Variants in RFT1 observed in about 807,000 individuals in gnomAD.
The protein encoded by RFT1 is man(5)GlcNAc(2)-PP-dolichol translocation protein RFT1.
RFT1 carries 43 observed loss-of-function variants against 62.2 expected under a neutral mutation model. The observed-to-expected ratio is 0.69, with a 90% CI of 0.54 to 0.89. The LOEUF (loss-of-function observed/expected upper bound fraction) is 0.89. Among genes scored for constraint, RFT1 ranks in the 40% least tolerant of loss-of-function variants. RFT1 has a pLI of 0.00. For missense variants in RFT1, 605 were observed against 649.9 expected, an observed-to-expected ratio of 0.93 and a Z score of 0.75; for synonymous variants, 262 against 264.6, an observed-to-expected ratio of 0.99 and a Z score of 0.10.
the RFT1 span, among the ~76,000 whole-genome samples, chr3:53,071,074 GTAGAGGTGGGGTCTCAC>G: frequency 6.6e-6 from 1 of 151,892 alleles, no homozygotes; most frequent in African/African-American, 2.4e-5. Flanking sequence ...GGAATTTTTT[GTAGAGGTGGGGTCTCAC>G]TAAGTTGCCC....
chr3:53,092,276 G>A (rs1701013327), intron 12 of RFT1, 93 bp downstream of exon 12: 2 of 1,535,652 alleles, frequency 1.3e-6, no homozygotes, highest in South Asian at 1.2e-5. Context: ...GGAGGGGACA[G>A]GAGGAGGCAA....
chr3:53,116,709 C>T (rs1701816336), intron 6 of RFT1, among the ~76,000 whole-genome samples: 3 of 152,032 alleles, frequency 2.0e-5, no homozygotes, highest in Non-Finnish European at 1.5e-5. Flanking sequence ...TCAAGCAGTT[C>T]TCCTGCCTCA....
At chr3:53,102,071 T>C (rs1385007148) in intron 10 of RFT1, among the ~76,000 whole-genome samples, 2 of 150,002 alleles carry the variant, frequency 1.3e-5, no homozygotes, top group Non-Finnish European at 3.0e-5. Flanking sequence ...AAACTTGCAT[T>C]GAGGCAGACA....
the RFT1 span, chr3:53,077,822 T>C: frequency 6.6e-6 from 1 of 152,258 alleles, no homozygotes; most frequent in East Asian, 1.9e-4. Flanking sequence ...CATGGTTTTC[T>C]TGGCCTCTGC....
At chr3:53,067,511 CG>C in the RFT1 span, among the ~76,000 whole-genome samples, 1 of 152,016 alleles carries the variant, frequency 6.6e-6, no homozygotes, top group Non-Finnish European at 1.5e-5. Context: ...GGGACATTGG[CG>C]GGGAAGGGGC....
chr3:53,102,134 CAG>C (rs1003576641), intron 10 of RFT1, among the ~76,000 whole-genome samples: 1 of 151,928 alleles, frequency 6.6e-6, no homozygotes, highest in Admixed American at 6.6e-5. Flanking sequence ...GACGTGAAGA[CAG>C]AGAGAACACA....
chr3:53,100,413 C>A (rs538151302), intron 10 of RFT1, among the ~76,000 whole-genome samples: 1 of 152,244 alleles, frequency 6.6e-6, no homozygotes, highest in East Asian at 1.9e-4. Context: ...AACCTACGAC[C>A]CAGCAATTGC....
rs961442737 is a variant in RFT1, at chr3:53,111,810, C to G, written c.775+20G>C. 3.7e-6 allele frequency: 6 copies of G among 1,603,600 alleles called. No homozygotes were observed. Among genetic ancestry groups the G allele is most frequent in the Non-Finnish European group, 1.7e-6 (2 of 1,170,368 alleles). On this transcript the variant is annotated intron_variant, in intron 7 of 12. Coordinates refer to ENST00000296292, the MANE Select transcript of RFT1 (RefSeq NM_052859.4). ...CTTCTACTATGGTCTCCCGACGATT[C>G]AGAGTGACCGTCTACTTACCTTCTG...
At chr3:53,114,179 T>A (rs899529903) in intron 6 of RFT1, among the ~76,000 whole-genome samples, 1 of 152,116 alleles carries the variant, frequency 6.6e-6, no homozygotes. Flanking sequence ...CTTCTCTCTC[T>A]CACACTGCTC....
chr3:53,092,480 G>GA lies in RFT1; in HGVS notation c.1346dup (p.Ile450HisfsTer43). 6.2e-7 allele frequency: 1 copy of GA among 1,612,534 alleles called. No homozygotes were observed. Among genetic ancestry groups the GA allele is most frequent in the Non-Finnish European group, 8.5e-7 (1 of 1,179,630 alleles). ...GGCTCCTTCGGTAGTAGCGGTGGAT[G>GA]AAGCAAAGGCTCTGCGTGATCCGAA... On this transcript the variant is annotated frameshift_variant, in exon 12 of 13. Transcript: ENST00000296292. LOFTEE classifies it high-confidence loss of function.
chr3:53,105,876 T>C, intron 8 of RFT1, 73 bp from the exon 9 acceptor site: 1 of 1,280,932 alleles, frequency 7.8e-7, no homozygotes, highest in Middle Eastern at 2.7e-4. Flanking sequence ...CTATTAAAAT[T>C]ATTTAATATT....
intron 11 of RFT1, among the ~76,000 whole-genome samples, chr3:53,097,493 G>A (rs992409030): frequency 1.3e-4 from 20 of 152,224 alleles, no homozygotes; most frequent in African/African-American, 4.6e-4. Flanking sequence ...TTTTCCACAT[G>A]TTTATATACT....
rs770086765 is a variant in RFT1 at position 53,104,087 on chromosome 3, G to C, written c.968C>G (p.Ala323Gly). Reference protein sequence around the residue: ...DATLQKQEDVAVAAAVLESLL... With the variant: ...DATLQKQEDVGVAAAVLESLL... ...GGACTCCAAGACTGCAGCAGCCACA[G>C]CAACGTCCTCCTGGGGCCAGGGAAG... is the stretch of plus-strand genomic sequence containing the variant. Residue 323 changes from alanine (A) to glycine (G), a missense_variant, in exon 10 of 13, where the codon GCT (alanine) becomes GGT (glycine). Ala to Gly is a moderately conservative substitution (Grantham distance 60). Transcript: ENST00000296292. The C allele has an allele frequency of 2.4e-5, 39 of 1,614,064 alleles. No homozygotes were observed. The highest frequency in any genetic ancestry group is 3.3e-5 in the Non-Finnish European group (39 of 1,180,022).
Position 53,092,532 on chromosome 3 carries a change from A to T in RFT1, c.1295T>A (p.Ile432Asn), listed in dbSNP as rs1409992649. The change falls in exon 12 of 13, where the codon ATC becomes AAC. Residue 432 changes from isoleucine to asparagine, a missense_variant. Physicochemically the swap from Ile to Asn is moderately radical, Grantham distance 149. Transcript: ENST00000296292. ...GCCCATGTTAAAGCAGTTGGCCAAG[A>T]TGAAGCCCACGCTGCCACACCAACG... ...LTRWCGSVGF[I>N]LANCFNMGIR... The T allele has an allele frequency of 1.2e-6, 2 of 1,612,610 alleles. No homozygotes were observed. The highest frequency in any genetic ancestry group is 1.7e-6 in the Non-Finnish European group (2 of 1,179,606).
chr3:53,107,714 C>G (rs1701527774), intron 7 of RFT1, among the ~76,000 whole-genome samples: 1 of 151,790 alleles, frequency 6.6e-6, no homozygotes, highest in East Asian at 2.0e-4. Context: ...GGTGAAGACA[C>G]CAGCCAGGGC....
chr3:53,085,758 C>G (rs931522295), downstream of RFT1: 1 of 152,236 alleles, frequency 6.6e-6, no homozygotes, highest in Admixed American at 6.5e-5. Flanking sequence ...ACCTCCAGCA[C>G]TTTCTTTTTA....
the RFT1 span, among the ~76,000 whole-genome samples, chr3:53,077,388 T>G: frequency 1.0e-3 from 159 of 152,302 alleles, no homozygotes; most frequent in Non-Finnish European, 1.8e-3. Flanking sequence ...CACCAATGCA[T>G]GCTACAAAGA....
At chr3:53,098,922 G>A (rs933757010) in intron 11 of RFT1, among the ~76,000 whole-genome samples, 3 of 151,974 alleles carry the variant, frequency 2.0e-5, no homozygotes, top group African/African-American at 7.3e-5. Flanking sequence ...GTGCACTTGG[G>A]CTTTTCTCAG....
At chr3:53,084,139 C>A (rs1180901987), downstream of RFT1, among the ~76,000 whole-genome samples, 1 of 152,218 alleles carries the variant, frequency 6.6e-6, no homozygotes. Context: ...TAAGAGTGTG[C>A]TCCAAGGCTG....
Sources: gnomAD v4.1 joint callset for allele counts (sites outside exome capture counted in the v4.1 genomes callset) on GRCh38, gnomAD v4.1.1 for gene constraint, MANE v1.5 for transcripts, NCBI Gene and HGNC (gene_info 2026-07-23, HGNC 2026-07-21) for gene names.